NSUN4: variants seen among roughly 807,000 people sequenced by gnomAD.
NSUN4 encodes 5-cytosine rRNA methyltransferase NSUN4.
In NSUN4, 31 loss-of-function variants were observed where a neutral mutation model predicts 43.8. The observed-to-expected ratio is 0.71, with a 90% confidence interval of 0.53 to 0.96. The LOEUF (loss-of-function observed/expected upper bound fraction) is 0.96, where lower values mean the gene tolerates loss of function less well. Among genes scored for constraint, NSUN4 ranks in the 40% least tolerant of loss-of-function variants. The pLI is 0.00. For missense variants in NSUN4, 439 were observed against 475.6 expected (o/e 0.92, Z 0.72); for synonymous variants, 167 against 184.1 (o/e 0.91, Z 0.75).
the NSUN4 span, among the ~76,000 whole-genome samples, chr1:46,383,487 G>T: frequency 0.23 from 31,377 of 135,152 alleles, 3,867 homozygotes; most frequent in Non-Finnish European, 0.29. Context: ...ATGGAGTCTC[G>T]CTCTGTCGCC....
At chr1:46,344,680 C>A in intron 1 of NSUN4, 121 bp from the exon 2 acceptor site, 2 of 809,876 alleles carry the variant, frequency 2.5e-6, no homozygotes, top group Admixed American at 2.5e-5. Flanking sequence ...AGGCAGGATG[C>A]AAAAGCAGGA....
intron 2 of NSUN4, 192 bp downstream of exon 2, chr1:46,345,336 AG>A (rs1329787997): frequency 5.5e-6 from 3 of 546,768 alleles, no homozygotes; most frequent in Non-Finnish European, 9.7e-6. Flanking sequence ...AGCCTTATGA[AG>A]TAGGTAATAT....
At chr1:46,383,286 C>T in the NSUN4 span, among the ~76,000 whole-genome samples, 1 of 151,842 alleles carries the variant, frequency 6.6e-6, no homozygotes, top group African/African-American at 2.4e-5. Flanking sequence ...CAGTGTTTGT[C>T]CTGGGCTGGC....
Position 46,362,082 on chromosome 1 carries a change from C to T in NSUN4, c.*236C>T. The stretch of plus-strand genomic sequence containing the variant: ...CCCCTACCCCATCTCCAGGCCTGTA[C>T]TAAAGTTTGCTGCCCGCTTAGGGGC... On this transcript the variant is annotated 3_prime_UTR_variant, in exon 6 of 6. Coordinates refer to ENST00000474844, the MANE Select transcript of NSUN4 (RefSeq NM_199044.4). 3.7e-6 allele frequency: 2 copies of T among 547,356 alleles called. No homozygotes were observed. The highest frequency in any genetic ancestry group is 6.5e-6 in the Non-Finnish European group (2 of 306,932). The allele number at this position is 547,356 out of a possible 1,614,324, so 33.9% of individuals were successfully genotyped here.
intron 3 of NSUN4, among the ~76,000 whole-genome samples, chr1:46,350,671 T>G (rs1662910275): frequency 6.6e-6 from 1 of 152,222 alleles, no homozygotes; most frequent in Non-Finnish European, 1.5e-5. Context: ...AAAACCTAAC[T>G]AATTGGCTTA....
At chr1:46,374,726 A>T in the NSUN4 span, among the ~76,000 whole-genome samples, 1 of 151,960 alleles carries the variant, frequency 6.6e-6, no homozygotes, top group Non-Finnish European at 1.5e-5. Flanking sequence ...TTAAGAGCCG[A>T]TGGGCTTGGG....
the NSUN4 span, among the ~76,000 whole-genome samples, chr1:46,376,572 T>TA: frequency 1.3e-5 from 2 of 151,350 alleles, no homozygotes; most frequent in African/African-American, 2.4e-5. Flanking sequence ...TCTGTCTCTC[T>TA]AAAAAAAAAT....
intron 3 of NSUN4, among the ~76,000 whole-genome samples, chr1:46,347,859 C>CTTTTTT (rs112974748): frequency 7.0e-6 from 1 of 143,158 alleles, no homozygotes; most frequent in Admixed American, 7.0e-5. Context: ...TTTTGACTTT[C>CTTTTTT]TTTTTTTTTT....
chr1:46,346,447 G>A (rs1370040370), intron 2 of NSUN4, among the ~76,000 whole-genome samples: 2 of 151,334 alleles, frequency 1.3e-5, no homozygotes, highest in Non-Finnish European at 2.9e-5. Context: ...AGCTACTTGG[G>A]AGGCTGAGGC....
chr1:46,354,522 G>A (rs958404325), intron 4 of NSUN4, among the ~76,000 whole-genome samples: 1 of 152,106 alleles, frequency 6.6e-6, no homozygotes, highest in Non-Finnish European at 1.5e-5. Context: ...GTTGTCACCT[G>A]ATTTACCTAA....
intron 4 of NSUN4, among the ~76,000 whole-genome samples, chr1:46,358,381 C>A (rs1663544159): frequency 6.8e-6 from 1 of 146,526 alleles, no homozygotes; most frequent in African/African-American, 2.5e-5. Flanking sequence ...TAGGCATGAG[C>A]TACTGCTCCT....
At chr1:46,366,696 T>TAAAAAA (rs1664141697), downstream of NSUN4, among the ~76,000 whole-genome samples, 1 of 4,858 alleles carries the variant, frequency 2.1e-4, no homozygotes, top group Non-Finnish European at 4.6e-4. Flanking sequence ...CCATCTCTAC[T>TAAAAAA]AAAAATACAA....
chr1:46,355,114 C>T (rs1463742824), intron 4 of NSUN4, among the ~76,000 whole-genome samples: 1 of 152,160 alleles, frequency 6.6e-6, no homozygotes, highest in Non-Finnish European at 1.5e-5. Context: ...TCAACCTCTT[C>T]GTTTGTGAAA....
At chr1:46,373,401 A>G in the NSUN4 span, among the ~76,000 whole-genome samples, 1 of 152,206 alleles carries the variant, frequency 6.6e-6, no homozygotes, top group Non-Finnish European at 1.5e-5. Flanking sequence ...GCTATGAGTG[A>G]CTACCTGAAG....
chr1:46,350,473 C>G (rs1455804024), intron 3 of NSUN4, among the ~76,000 whole-genome samples: 1 of 152,204 alleles, frequency 6.6e-6, no homozygotes, highest in Non-Finnish European at 1.5e-5. Context: ...CTTTACCATT[C>G]CCACCCTACC....
rs1465086020 is a variant in NSUN4, at chr1:46,344,824, T to C, written c.117T>C (p.Pro39=). 20 of 1,614,140 alleles carry C rather than the reference T, an allele frequency of 1.2e-5. No individual in the cohort carries two copies. The highest frequency in any genetic ancestry group is 1.7e-5 in the Non-Finnish European group (20 of 1,179,964). ...AGGCTGCCACAGAGCCCAAATTCCC[T>C]GCTGTTCGACTGGCTTTGCAGAATT... ...KKWAATEPKF[P]AVRLALQNFD... Residue 39 remains proline (P), a synonymous_variant, in exon 2 of 6, where the codon CCT becomes CCC. Transcript: ENST00000474844.
chr1:46,360,973 C>G, intron 5 of NSUN4, 145 bp downstream of exon 5: 1 of 917,050 alleles, frequency 1.1e-6, no homozygotes, highest in Non-Finnish European at 1.7e-6. Context: ...GGGATCATCT[C>G]TGGAACATAA....
intron 1 of NSUN4, chr1:46,341,872 A>T: frequency 8.1e-7 from 1 of 1,232,898 alleles, no homozygotes; most frequent in African/African-American, 1.5e-5. Context: ...CAAGGCACGT[A>T]CTGTGACCAG....
intron 4 of NSUN4, among the ~76,000 whole-genome samples, chr1:46,358,465 G>A (rs1439368603): frequency 3.1e-5 from 4 of 128,918 alleles, no homozygotes; most frequent in South Asian, 2.5e-4. Flanking sequence ...GCAGTGGTAC[G>A]ATCTCGGCTC....
Sources: gnomAD v4.1 joint callset for allele counts (sites outside exome capture counted in the v4.1 genomes callset) on GRCh38, gnomAD v4.1.1 for gene constraint, MANE v1.5 for transcripts, NCBI Gene and HGNC (gene_info 2026-07-23, HGNC 2026-07-21) for gene names.